The following UPF3A variants were observed in gnomAD, a reference collection of about 807,000 sequenced individuals.
UPF3A encodes UPF3A regulator of nonsense mediated mRNA decay, also known as regulator of nonsense transcripts 3A.
A neutral mutation model predicts 53.5 loss-of-function variants in UPF3A; 42 were observed. The ratio of observed to expected loss-of-function variants is 0.78; its 90% confidence interval spans 0.61 to 1.01. UPF3A has a LOEUF of 1.01. UPF3A is among the 50% of genes least tolerant of loss of function. UPF3A has a pLI of 0.00. For synonymous variants in UPF3A, 237 were observed against 225.3 expected, an observed-to-expected ratio of 1.05 and a Z score of -0.47; for missense variants, 575 against 598.0, an observed-to-expected ratio of 0.96 and a Z score of 0.40.
intron 8 of UPF3A, among the ~76,000 whole-genome samples, chr13:114,300,930 C>T (rs1348923899): frequency 1.3e-5 from 2 of 151,786 alleles, no homozygotes; most frequent in African/African-American, 2.4e-5. Flanking sequence ...CTGCCCCTGG[C>T]GTCCCAGAGT....
chr13:114,287,909 C>T (rs2084887348), intron 5 of UPF3A, among the ~76,000 whole-genome samples: 2 of 152,160 alleles, frequency 1.3e-5, no homozygotes, highest in Non-Finnish European at 2.9e-5. Flanking sequence ...CCAGTTCAGG[C>T]CATTCTTCTG....
chr13:114,281,857 G>A lies in UPF3A; in HGVS notation c.207+11G>A, dbSNP rs1194764284. The A allele has an allele frequency of 2.6e-6, 4 of 1,520,058 alleles. No individual in the cohort carries two copies. Among genetic ancestry groups the A allele is most frequent in the South Asian group, 2.4e-5 (2 of 82,490 alleles). 94.2% of individuals were successfully genotyped at this position (1,520,058 alleles called of 1,614,324 possible). On this transcript the variant is annotated intron_variant, in intron 1 of 9. Transcript: ENST00000375299. Reference sequence around the variant, plus strand: ...ACGGCCCTGAGCAAGGTGGGGACGGGGGCGGGGCGCGCAAACCTCGCGAGG... The same window carrying A: ...ACGGCCCTGAGCAAGGTGGGGACGGAGGCGGGGCGCGCAAACCTCGCGAGG...
In UPF3A at chr13:114,302,110, T is replaced by G. The variant is rs1351657334; in HGVS notation, c.1302+85T>G. 5 of 1,347,062 alleles carry G rather than the reference T, an allele frequency of 3.7e-6. No individual in the cohort carries two copies. In the East Asian group the frequency reaches 1.1e-4, roughly 29 times the overall value. The allele number at this position is 1,347,062 out of a possible 1,614,324, so 83.4% of individuals were successfully genotyped here. A position where few individuals can be genotyped will look rare whatever the true frequency, so the allele number is the denominator to read the frequency against. On this transcript the variant is annotated intron_variant, in intron 9 of 9. Coordinates refer to ENST00000375299, the MANE Select transcript of UPF3A (RefSeq NM_023011.4). Reference sequence around the variant, plus strand: ...CTGACCATGTCACCCCCACTTGGCCTTGTGTCTTGGGGAACGCAGTGCTTT... The same window carrying G: ...CTGACCATGTCACCCCCACTTGGCCGTGTGTCTTGGGGAACGCAGTGCTTT...
intron 8 of UPF3A, 141 bp from the exon 9 acceptor site, chr13:114,301,590 C>A (rs1451478736): frequency 1.5e-6 from 1 of 680,934 alleles, no homozygotes; most frequent in East Asian, 2.7e-5. Context: ...TGCTGTGTGC[C>A]CATCGCAGTG....
chr13:114,299,355 C>G (rs1450045725), intron 8 of UPF3A, among the ~76,000 whole-genome samples: 1 of 152,076 alleles, frequency 6.6e-6, no homozygotes, highest in Non-Finnish European at 1.5e-5. Flanking sequence ...TTATTTTTCT[C>G]TGTGTTTGTG....
chr13:114,299,363 G>C (rs1401764855), intron 8 of UPF3A, among the ~76,000 whole-genome samples: 2 of 152,084 alleles, frequency 1.3e-5, no homozygotes, highest in Non-Finnish European at 2.9e-5. Flanking sequence ...CTCTGTGTTT[G>C]TGATATCTTG....
At chr13:114,301,656 C>CTGTGG in intron 8 of UPF3A, 75 bp from the exon 9 acceptor site, 1 of 1,487,642 alleles carries the variant, frequency 6.7e-7, no homozygotes, top group South Asian at 1.3e-5. Context: ...GTCTGGGAAC[C>CTGTGG]TGTGGTCTAG....
At chr13:114,294,028 C>T (rs1483949686) in intron 7 of UPF3A, among the ~76,000 whole-genome samples, 2 of 152,180 alleles carry the variant, frequency 1.3e-5, no homozygotes, top group Non-Finnish European at 2.9e-5. Context: ...AAGTGATCTT[C>T]CTGCCTCACC....
At chr13:114,290,927 GTTTCC>G (rs908782706) in intron 5 of UPF3A, among the ~76,000 whole-genome samples, 1 of 151,608 alleles carries the variant, frequency 6.6e-6, no homozygotes, top group African/African-American at 2.4e-5. Context: ...TAGAGACGGG[GTTTCC>G]TTAGGTTGGT....
chr13:114,283,687 T>C lies in UPF3A; in HGVS notation c.421+744T>C, dbSNP rs1467835769. ...GGAAGTCACTGCTGTTAAACAGCTT[T>C]GCCTGCGGAGACAGCAGTCTTCAAC... On this transcript the variant is annotated intron_variant, in intron 3 of 9. Transcript: ENST00000375299. 5 of 880,750 alleles carry C rather than the reference T, an allele frequency of 5.7e-6. No homozygotes were observed. In the African/African-American group the frequency reaches 9.1e-5, roughly 16 times the overall value. 54.6% of individuals were successfully genotyped at this position (880,750 alleles called of 1,614,324 possible). A position where few individuals can be genotyped will look rare whatever the true frequency, so the allele number is the denominator to read the frequency against.
At chr13:114,287,287 CT>C (rs1238385001) in intron 5 of UPF3A, 2 of 152,586 alleles carry the variant, frequency 1.3e-5, no homozygotes, top group African/African-American at 4.8e-5. Context: ...AGCCCTGGTT[CT>C]TCACCTCTCA....
chr13:114,298,824 C>A lies in UPF3A; in HGVS notation c.847-16C>A. On this transcript the variant is annotated splice_polypyrimidine_tract_variant and intron_variant, in intron 7 of 9. Coordinates refer to ENST00000375299, the MANE Select transcript of UPF3A (RefSeq NM_023011.4). ...TGCTCTCAAGGTGATACTTTACTAACATTGTAATTTCTCAGCTTCTTAAGA... is the reference window on the plus strand; with the variant it reads ...TGCTCTCAAGGTGATACTTTACTAAAATTGTAATTTCTCAGCTTCTTAAGA... 2 of 1,540,286 alleles carry A rather than the reference C, an allele frequency of 1.3e-6. No individual in the cohort carries two copies. Among genetic ancestry groups the A allele is most frequent in the South Asian group, 1.3e-5 (1 of 79,738 alleles).
chr13:114,291,706 A>G lies in UPF3A; in HGVS notation c.760A>G (p.Lys254Glu), dbSNP rs2085283941. 3.7e-6 allele frequency: 6 copies of G among 1,603,790 alleles called. No homozygotes were observed. In the South Asian group the frequency reaches 6.7e-5, roughly 18 times the overall value. Residue 254 changes from lysine (K) to glutamate (E), a missense_variant, in exon 7 of 10, where the codon AAA becomes GAA. By Grantham distance (56) the Lys-to-Glu change is moderately conservative. Coordinates refer to ENST00000375299, the MANE Select transcript of UPF3A (RefSeq NM_023011.4). ...AAAGAAACGTTTGCGGGAAGAGGAA[A>G]AAAGAAGAAGAAGAGAAGAAGAAAG... ...LEKKRLREEE[K>E]RRRREEERCK...
At chr13:114,295,052 C>T (rs1393471325) in intron 7 of UPF3A, among the ~76,000 whole-genome samples, 2 of 147,826 alleles carry the variant, frequency 1.4e-5, no homozygotes, top group Non-Finnish European at 3.0e-5. Flanking sequence ...GCGGAGCTTG[C>T]AGTGAGCCAA....
intron 5 of UPF3A, 116 bp downstream of exon 5, chr13:114,286,745 CAG>C: frequency 1.3e-6 from 1 of 799,496 alleles, no homozygotes; most frequent in Non-Finnish European, 1.9e-6. Context: ...ACAGGCTTGA[CAG>C]AAATGTAGAG....
rs1349507374 is a variant in UPF3A, at chr13:114,281,611, G to T, written c.-29G>T. ...CTCTCGCGAGGTTTCGTCGGGGGCT[G>T]GCGGCTGCGGCTCGGCGGAGAGTGC... is the stretch of plus-strand genomic sequence containing the variant. On this transcript the variant is annotated 5_prime_UTR_variant, in exon 1 of 10. Coordinates refer to ENST00000375299, the MANE Select transcript of UPF3A (RefSeq NM_023011.4). The T allele has an allele frequency of 7.8e-6, 11 of 1,404,942 alleles. No individual in the cohort carries two copies. In the Admixed American group the frequency reaches 3.0e-4, roughly 38 times the overall value. 87.0% of individuals were successfully genotyped at this position (1,404,942 alleles called of 1,614,324 possible). A position where few individuals can be genotyped will look rare whatever the true frequency, so the allele number is the denominator to read the frequency against.
chr13:114,281,917 G>GGGAGGGAGT, intron 1 of UPF3A, 71 bp downstream of exon 1: 1 of 1,042,616 alleles, frequency 9.6e-7, no homozygotes, highest in South Asian at 1.5e-5. Flanking sequence ...GGGGAGGGAG[G>GGGAGGGAGT]GGAGGGAGGG....
At chr13:114,292,585 G>T (rs1032569321) in intron 7 of UPF3A, among the ~76,000 whole-genome samples, 1 of 147,796 alleles carries the variant, frequency 6.8e-6, no homozygotes, top group Non-Finnish European at 1.5e-5. Flanking sequence ...ACACGTGCAG[G>T]TGTGTTACGT....
chr13:114,298,937 G>A lies in UPF3A; in HGVS notation c.944G>A (p.Cys315Tyr), dbSNP rs1221216648. ...ACTGGAGGTGGCAAGCAGGAATCCT[G>A]TGCCCCCGGTGCAGTCGTAAAAGCC... is the stretch of plus-strand genomic sequence containing the variant. ...IDTGGGKQESCAPGAVVKARP... is the reference protein window; with the variant it reads ...IDTGGGKQESYAPGAVVKARP... The change falls in exon 8 of 10, where the codon TGT (cysteine) becomes TAT (tyrosine). Residue 315 changes from cysteine to tyrosine, a missense_variant. Around this residue, in one of 2 missense-constraint regions of UPF3A, gnomAD observed 323 missense variants for 415.2 expected, o/e 0.78. Coordinates refer to ENST00000375299, the MANE Select transcript of UPF3A (RefSeq NM_023011.4). 5 of 1,610,734 alleles carry A rather than the reference G, an allele frequency of 3.1e-6. No homozygotes were observed. The highest frequency in any genetic ancestry group is 4.2e-6 in the Non-Finnish European group (5 of 1,178,704).
Sources: allele counts gnomAD v4.1 joint callset (sites outside exome capture counted in the v4.1 genomes callset), GRCh38; gene constraint gnomAD v4.1.1; regional missense constraint gnomAD v4.1.1; transcripts MANE v1.5; gene names NCBI Gene and HGNC (gene_info 2026-07-23, HGNC 2026-07-21).